MACROD2: variants seen among roughly 807,000 people sequenced by gnomAD.
MACROD2 encodes ADP-ribose glycohydrolase MACROD2.
In MACROD2, 36 loss-of-function variants were observed where a neutral mutation model predicts 70.4. The observed-to-expected ratio is 0.51, with a 90% confidence interval of 0.39 to 0.68. The LOEUF (loss-of-function observed/expected upper bound fraction) is 0.68. MACROD2 is among the 30% of genes least tolerant of loss of function. The pLI is 0.00. For synonymous variants in MACROD2, 172 were observed against 178.8 expected, an observed-to-expected ratio of 0.96 and a Z score of 0.30; for missense variants, 496 against 538.4, an observed-to-expected ratio of 0.92 and a Z score of 0.78.
chr20:14,163,755 A>T (rs953506571), intron 3 of MACROD2, among the ~76,000 whole-genome samples: 4 of 150,778 alleles, frequency 2.7e-5, no homozygotes, highest in Admixed American at 1.3e-4. Flanking sequence ...TTTTGAATAT[A>T]TTTTGTATTT....
At chr20:14,245,537 A>G (rs2081962291) in intron 3 of MACROD2, among the ~76,000 whole-genome samples, 1 of 152,204 alleles carries the variant, frequency 6.6e-6, no homozygotes, top group South Asian at 2.1e-4. Flanking sequence ...TAAATCCAGC[A>G]TAGAACTCAG....
intron 5 of MACROD2, chr20:14,906,092 T>C (rs2073955352): frequency 6.6e-6 from 1 of 152,184 alleles, no homozygotes; most frequent in Admixed American, 6.5e-5. Flanking sequence ...TGGGGAAAAG[T>C]GATGCCTTTA....
At chr20:15,919,657 C>T (rs1384379753) in intron 10 of MACROD2, among the ~76,000 whole-genome samples, 1 of 152,112 alleles carries the variant, frequency 6.6e-6, no homozygotes, top group Non-Finnish European at 1.5e-5. Flanking sequence ...ATTGCATGAA[C>T]CTGGGAGACG....
chr20:15,047,596 C>T (rs568006397), intron 5 of MACROD2, among the ~76,000 whole-genome samples: 1 of 152,222 alleles, frequency 6.6e-6, no homozygotes, highest in Non-Finnish European at 1.5e-5. Context: ...GAGTTAGAGG[C>T]TTTGGAGTGT....
chr20:15,873,615 T>C (rs1251438317), intron 9 of MACROD2, among the ~76,000 whole-genome samples: 4 of 151,972 alleles, frequency 2.6e-5, no homozygotes, highest in African/African-American at 7.2e-5. Context: ...TCATTTGCCT[T>C]TGTGATATTC....
At chr20:14,478,338 A>G (rs1039900389) in intron 3 of MACROD2, among the ~76,000 whole-genome samples, 1 of 152,172 alleles carries the variant, frequency 6.6e-6, no homozygotes, top group African/African-American at 2.4e-5. Flanking sequence ...GGCATGATCT[A>G]GAGTGAGGCA....
intron 8 of MACROD2, among the ~76,000 whole-genome samples, chr20:15,736,609 T>C (rs2051024787): frequency 6.6e-6 from 1 of 152,156 alleles, no homozygotes; most frequent in African/African-American, 2.4e-5. Flanking sequence ...TTAAGACACA[T>C]GAAGTTGAGT....
intron 9 of MACROD2, among the ~76,000 whole-genome samples, chr20:15,870,336 C>G (rs540377895): frequency 6.6e-6 from 1 of 151,824 alleles, no homozygotes; most frequent in South Asian, 2.1e-4. Flanking sequence ...TCCTAATATT[C>G]CATTGCCCTT....
intron 8 of MACROD2, among the ~76,000 whole-genome samples, chr20:15,750,692 C>G (rs1177126030): frequency 1.3e-5 from 2 of 151,922 alleles, no homozygotes; most frequent in African/African-American, 2.4e-5. Flanking sequence ...CTGTTCACAA[C>G]AGCCAAGATA....
chr20:15,005,832 G>A (rs939621686), intron 5 of MACROD2, among the ~76,000 whole-genome samples: 2 of 152,092 alleles, frequency 1.3e-5, no homozygotes, highest in Non-Finnish European at 2.9e-5. Context: ...ACCAGTTTGA[G>A]CTTCAGTCTT....
At chr20:15,530,302 C>T (rs1315357445) in intron 8 of MACROD2, among the ~76,000 whole-genome samples, 3 of 152,096 alleles carry the variant, frequency 2.0e-5, no homozygotes, top group African/African-American at 7.2e-5. Flanking sequence ...CAAATTAATT[C>T]TTATACTAAG....
chr20:15,807,063 C>T (rs1030197445), intron 8 of MACROD2, among the ~76,000 whole-genome samples: 3 of 152,246 alleles, frequency 2.0e-5, no homozygotes, highest in African/African-American at 7.2e-5. Context: ...TTTTAATATT[C>T]CGTCCATACA....
At chr20:15,466,687 T>C (rs1045414775) in intron 7 of MACROD2, among the ~76,000 whole-genome samples, 6 of 152,194 alleles carry the variant, frequency 3.9e-5, no homozygotes, top group South Asian at 2.1e-4. Context: ...CTTGGAGAGA[T>C]ACTAAGAAGA....
intron 9 of MACROD2, among the ~76,000 whole-genome samples, chr20:15,876,109 A>ATATATATATATATATGTATG (rs57817982): frequency 0.034 from 4,162 of 124,204 alleles, 149 homozygotes; most frequent in Admixed American, 0.07. Context: ...ATATATATAT[A>ATATATATATATATATGTATG]TATGTGTGTA....
intron 5 of MACROD2, among the ~76,000 whole-genome samples, chr20:15,152,376 G>T (rs1423832441): frequency 6.6e-6 from 1 of 150,600 alleles, no homozygotes; most frequent in Non-Finnish European, 1.5e-5. Flanking sequence ...AGAGGTGGGG[G>T]TTCTTGCCCT....
At chr20:15,603,183 T>C (rs958731923) in intron 8 of MACROD2, among the ~76,000 whole-genome samples, 1 of 152,136 alleles carries the variant, frequency 6.6e-6, no homozygotes, top group Non-Finnish European at 1.5e-5. Context: ...CTTTGATTCA[T>C]ATTCAGAATA....
chr20:15,618,031 G>C (rs1217848456), intron 8 of MACROD2, among the ~76,000 whole-genome samples: 1 of 151,816 alleles, frequency 6.6e-6, no homozygotes, highest in African/African-American at 2.4e-5. Context: ...TCGAGATGGG[G>C]GGTTTTTGAT....
At chr20:14,469,923 C>T (rs1600273234) in intron 3 of MACROD2, among the ~76,000 whole-genome samples, 1 of 152,130 alleles carries the variant, frequency 6.6e-6, no homozygotes, top group East Asian at 2.0e-4. Flanking sequence ...CTGAAGCCTA[C>T]TTCTGTCAAT....
chr20:15,916,752 CT>C (rs1373931686), intron 10 of MACROD2, among the ~76,000 whole-genome samples: 2 of 152,312 alleles, frequency 1.3e-5, no homozygotes, highest in African/African-American at 4.8e-5. Context: ...AAAGTAATGA[CT>C]TTGGTGGACA....
Sources: gnomAD v4.1 joint callset for allele counts (sites outside exome capture counted in the v4.1 genomes callset) on GRCh38, gnomAD v4.1.1 for gene constraint, MANE v1.5 for transcripts, NCBI Gene and HGNC (gene_info 2026-07-23, HGNC 2026-07-21) for gene names.